The following SYCP1 variants were observed in gnomAD, a reference collection of about 807,000 sequenced individuals.
SYCP1 encodes the protein cancer/testis antigen 8.
Under a neutral mutation model 153.1 loss-of-function variants are expected in SYCP1, and 64 were observed. That is an observed-to-expected ratio of 0.42 (90% CI 0.34 to 0.51). The LOEUF (loss-of-function observed/expected upper bound fraction) is 0.51, where lower values mean the gene tolerates loss of function less well. SYCP1 is among the 20% of genes least tolerant of loss of function. SYCP1 has a pLI of 0.06. For synonymous variants in SYCP1, 384 were observed against 341.8 expected, an observed-to-expected ratio of 1.12 and a Z score of -1.36; for missense variants, 997 against 1,049.0, an observed-to-expected ratio of 0.95 and a Z score of 0.68.
intron 16 of SYCP1, among the ~76,000 whole-genome samples, chr1:114,908,178 AG>A (rs1667939405): frequency 8.3e-6 from 1 of 120,722 alleles, no homozygotes; most frequent in Non-Finnish European, 1.9e-5. Flanking sequence ...TCATTCTGGA[AG>A]GATTTTTTTT....
intron 30 of SYCP1, among the ~76,000 whole-genome samples, chr1:114,991,093 T>A (rs1673886707): frequency 6.6e-6 from 1 of 151,956 alleles, no homozygotes; most frequent in Non-Finnish European, 1.5e-5. Flanking sequence ...GCAGATCATC[T>A]GGCACAGGGC....
At chr1:114,889,499 T>C (rs1171300711) in intron 15 of SYCP1, among the ~76,000 whole-genome samples, 1 of 152,224 alleles carries the variant, frequency 6.6e-6, no homozygotes, top group African/African-American at 2.4e-5. Flanking sequence ...CATAAATGTC[T>C]TCTTTTAAGA....
At chr1:114,862,635 G>A (rs1235314677) in intron 8 of SYCP1, among the ~76,000 whole-genome samples, 1 of 152,176 alleles carries the variant, frequency 6.6e-6, no homozygotes, top group Non-Finnish European at 1.5e-5. Flanking sequence ...CACTGCGCTG[G>A]GCGATAGTTC....
chr1:114,873,433 A>T (rs1040525265), intron 8 of SYCP1, among the ~76,000 whole-genome samples: 2 of 152,040 alleles, frequency 1.3e-5, no homozygotes, highest in Non-Finnish European at 2.9e-5. Flanking sequence ...GCAGTTGGGA[A>T]TTTCCCATTT....
intron 16 of SYCP1, among the ~76,000 whole-genome samples, chr1:114,896,831 T>C (rs879023599): frequency 6.6e-6 from 1 of 152,210 alleles, no homozygotes; most frequent in Non-Finnish European, 1.5e-5. Flanking sequence ...TCTTGTCACA[T>C]GACCAGGAAA....
chr1:114,858,723 T>G lies in SYCP1; in HGVS notation c.456+12T>G. On this transcript the variant is annotated intron_variant, in intron 6 of 31. Coordinates refer to ENST00000369522, the MANE Select transcript of SYCP1 (RefSeq NM_003176.4). ...TTCAGGAACTGCAAGTATGACACAA[T>G]TTTGCATTGTAAACATAGTATAGTA... 6.3e-7 allele frequency: 1 copy of G among 1,599,450 alleles called. No individual in the cohort carries two copies. Among genetic ancestry groups the G allele is most frequent in the Non-Finnish European group, 8.5e-7 (1 of 1,172,904 alleles).
chr1:114,881,543 T>TTCCTTCCCTCCTTCCTTCCTTCCTTC (rs1383711421), intron 12 of SYCP1, among the ~76,000 whole-genome samples: 1 of 123,206 alleles, frequency 8.1e-6, no homozygotes, highest in East Asian at 2.2e-4. Context: ...TTCCTTCCTT[T>TTCCTTCCCTCCTTCCTTCCTTCCTTC]CTTGATGGAG....
At chr1:114,929,130 C>T (rs1570791678) in intron 23 of SYCP1, among the ~76,000 whole-genome samples, 1 of 152,184 alleles carries the variant, frequency 6.6e-6, no homozygotes, top group South Asian at 2.1e-4. Context: ...TTCCCACAGG[C>T]CCTACCTTCT....
intron 25 of SYCP1, 30 bp downstream of exon 25, chr1:114,945,012 T>C: frequency 7.1e-7 from 1 of 1,415,782 alleles, no homozygotes; most frequent in Non-Finnish European, 9.6e-7. Context: ...ATAATGAAAA[T>C]TATTAATTGG....
At chr1:114,872,198 CTCTTTAAATAATT>C (rs879848055) in intron 8 of SYCP1, among the ~76,000 whole-genome samples, 16 of 151,696 alleles carry the variant, frequency 1.1e-4, no homozygotes, top group Non-Finnish European at 2.1e-4. Flanking sequence ...CATTTTCTTT[CTCTTTAAATAATT>C]TCTTTTAACA....
At chr1:114,928,147 T>C (rs796676243) in intron 23 of SYCP1, among the ~76,000 whole-genome samples, 18 of 152,200 alleles carry the variant, frequency 1.2e-4, no homozygotes, top group African/African-American at 4.3e-4. Context: ...ATTGAGAAAT[T>C]TCTCAAAAAT....
At chr1:114,951,848 T>C (rs1192253717) in intron 27 of SYCP1, among the ~76,000 whole-genome samples, 1 of 152,044 alleles carries the variant, frequency 6.6e-6, no homozygotes, top group African/African-American at 2.4e-5. Flanking sequence ...TCCATTTCTA[T>C]AATTTTGCCA....
Position 114,994,991 on chromosome 1 carries a change from T to G in SYCP1, c.2903T>G (p.Leu968Arg). 6.3e-7 allele frequency: 1 copy of G among 1,598,536 alleles called. No homozygotes were observed. ...GCTAAAATGGATAGAAAAAAAAAAC[T>G]AAAAGAAGCTGAAAAGTTATTTGTT... ...VIAKMDRKKK[L>R]KEAEKLFV is the part of the protein sequence containing the mutation. The change falls in exon 32 of 32, where the codon CTA becomes CGA. Residue 968 changes from leucine (L) to arginine (R), a missense_variant. Physicochemically the swap from Leu to Arg is moderately radical, Grantham distance 102. Around this residue, in one of 2 missense-constraint regions of SYCP1, gnomAD observed 712 missense variants for 682.9 expected, o/e 1.04. Coordinates refer to ENST00000369522, the MANE Select transcript of SYCP1 (RefSeq NM_003176.4).
At chr1:114,934,708 G>A (rs1669873931) in intron 23 of SYCP1, among the ~76,000 whole-genome samples, 1 of 152,108 alleles carries the variant, frequency 6.6e-6, no homozygotes, top group African/African-American at 2.4e-5. Flanking sequence ...AAGGGGTGGA[G>A]AAAGATCTAC....
chr1:114,950,925 C>T (rs183175845), intron 27 of SYCP1, among the ~76,000 whole-genome samples: 105 of 151,716 alleles, frequency 6.9e-4, no homozygotes, highest in Admixed American at 2.4e-3. Context: ...CCCGGGTTCA[C>T]GCCATTCTCC....
intron 22 of SYCP1, 80 bp from the exon 23 acceptor site, chr1:114,926,421 T>G: frequency 6.7e-7 from 1 of 1,490,410 alleles, no homozygotes; most frequent in Non-Finnish European, 9.0e-7. Flanking sequence ...TCCCTTCCTT[T>G]AGTAATTTAA....
Position 114,984,855 on chromosome 1 carries a change from C to A in SYCP1, c.2690C>A (p.Thr897Asn). The A allele has an allele frequency of 7.0e-7, 1 of 1,422,702 alleles. No homozygotes were observed. The highest frequency in any genetic ancestry group is 9.4e-7 in the Non-Finnish European group (1 of 1,066,474). The allele number at this position is 1,422,702 out of a possible 1,614,324, so 88.1% of individuals were successfully genotyped here. The change falls in exon 30 of 32, where the codon ACT becomes AAT. Residue 897 changes from threonine (T) to asparagine (N), a missense_variant. Physicochemically the swap from Thr to Asn is moderately conservative, Grantham distance 65 (BLOSUM62 0). Transcript: ENST00000369522. The stretch of plus-strand genomic sequence containing the variant: ...GATATTAATTCAGATAGTTCAGAAA[C>A]TACTGATCTTTTGGTAAAAATTTTA... ...EFDINSDSSE[T>N]TDLLSMVSEE... is the part of the protein sequence containing the mutation.
intron 15 of SYCP1, among the ~76,000 whole-genome samples, chr1:114,894,357 G>T (rs534584915): frequency 8.5e-5 from 13 of 152,142 alleles, no homozygotes; most frequent in African/African-American, 3.1e-4. Flanking sequence ...AATCAATAAG[G>T]ACCCTTAACA....
chr1:114,937,410 A>T (rs987241035), intron 23 of SYCP1, among the ~76,000 whole-genome samples: 15 of 152,242 alleles, frequency 9.9e-5, no homozygotes, highest in African/African-American at 3.6e-4. Context: ...TGGATTAAAG[A>T]CTTAAATGTT....
Sources: gnomAD v4.1 joint callset for allele counts (sites outside exome capture counted in the v4.1 genomes callset) on GRCh38, gnomAD v4.1.1 for gene constraint, gnomAD v4.1.1 regional missense constraint, MANE v1.5 for transcripts, NCBI Gene and HGNC (gene_info 2026-07-23, HGNC 2026-07-21) for gene names.